ZC2HC1A: variants seen among roughly 807,000 people sequenced by gnomAD.
ZC2HC1A encodes the protein zinc finger C2HC-type containing 1A, also known as zinc finger C2HC domain-containing protein 1A.
In ZC2HC1A, 28 loss-of-function variants were observed where a neutral mutation model predicts 40.7. The ratio of observed to expected loss-of-function variants is 0.69; its 90% confidence interval spans 0.51 to 0.94. ZC2HC1A has a LOEUF of 0.94. Ranked by LOEUF, ZC2HC1A falls within the 40% of genes least tolerant of loss-of-function variation. The pLI is 0.00. For missense variants in ZC2HC1A, 389 were observed against 386.3 expected, an observed-to-expected ratio of 1.01 and a Z score of -0.06; for synonymous variants, 129 against 129.2, an observed-to-expected ratio of 1.00 and a Z score of 0.01.
chr8:78,677,604 G>A (rs1423463269), intron 2 of ZC2HC1A, among the ~76,000 whole-genome samples: 2 of 151,154 alleles, frequency 1.3e-5, no homozygotes, highest in African/African-American at 4.9e-5. Flanking sequence ...TGTATTCTTT[G>A]TATTTTCTTT....
chr8:78,717,250 T>C (rs1434407716), intron 8 of ZC2HC1A, 78 bp from the exon 9 acceptor site: 10 of 1,316,862 alleles, frequency 7.6e-6, no homozygotes, highest in Non-Finnish European at 1.0e-5. Context: ...GTTATATTTA[T>C]GTCCTGTTTC....
chr8:78,701,199 A>G (rs1810591302), intron 7 of ZC2HC1A, among the ~76,000 whole-genome samples: 1 of 151,956 alleles, frequency 6.6e-6, no homozygotes, highest in Non-Finnish European at 1.5e-5. Context: ...CCTTGTATAG[A>G]TCTTTCACCT....
At chr8:78,700,357 G>GT (rs899476805) in intron 7 of ZC2HC1A, among the ~76,000 whole-genome samples, 41 of 151,492 alleles carry the variant, frequency 2.7e-4, no homozygotes, top group African/African-American at 9.7e-4. Context: ...TTGTAAGTTT[G>GT]TTTTTTTCTT....
chr8:78,672,594 A>G (rs898226963), intron 1 of ZC2HC1A, among the ~76,000 whole-genome samples: 8 of 152,194 alleles, frequency 5.3e-5, no homozygotes, highest in African/African-American at 1.9e-4. Context: ...TTTAAGGTTT[A>G]GTAATTTACC....
chr8:78,695,977 A>G (rs1346077629), intron 5 of ZC2HC1A, among the ~76,000 whole-genome samples: 1 of 152,132 alleles, frequency 6.6e-6, no homozygotes, highest in African/African-American at 2.4e-5. Context: ...TAAATTTTAT[A>G]TTGATTATTG....
At position 78,715,331 on chromosome 8, in the gene ZC2HC1A, A is replaced by G. The variant is rs2130615023; in HGVS notation, c.812+3A>G. On this transcript the variant is annotated splice_donor_region_variant and intron_variant, in intron 8 of 8. Transcript: ENST00000263849. ...TATACTGAGAGCTACATAGCCAGGT[A>G]TGTTTAGCTCTGCTCTCCCAATAAC... 6.2e-7 allele frequency: 1 copy of G among 1,609,182 alleles called. No individual in the cohort carries two copies. Among genetic ancestry groups the G allele is most frequent in the East Asian group, 2.2e-5 (1 of 44,708 alleles).
chr8:78,696,046 T>A (rs1239694557), intron 5 of ZC2HC1A, among the ~76,000 whole-genome samples: 1 of 152,114 alleles, frequency 6.6e-6, no homozygotes. Flanking sequence ...TTTCTTTCTT[T>A]TTTTTTTGAG....
chr8:78,707,720 C>T (rs1432019638), intron 7 of ZC2HC1A, among the ~76,000 whole-genome samples: 2 of 152,070 alleles, frequency 1.3e-5, no homozygotes, highest in African/African-American at 4.8e-5. Context: ...GGAAGCTTTC[C>T]AACTACTGGA....
At chr8:78,712,883 C>G (rs1810993814) in intron 7 of ZC2HC1A, among the ~76,000 whole-genome samples, 1 of 152,140 alleles carries the variant, frequency 6.6e-6, no homozygotes, top group South Asian at 2.1e-4. Flanking sequence ...CTACAACAGT[C>G]TGCTCAGTAT....
chr8:78,691,818 A>G (rs1810221839), intron 5 of ZC2HC1A, among the ~76,000 whole-genome samples: 1 of 151,882 alleles, frequency 6.6e-6, no homozygotes, highest in African/African-American at 2.4e-5. Flanking sequence ...ATTGTTTCAT[A>G]TATGTAACTC....
intron 7 of ZC2HC1A, among the ~76,000 whole-genome samples, chr8:78,710,482 A>G (rs1176368889): frequency 2.6e-5 from 4 of 151,982 alleles, no homozygotes; most frequent in African/African-American, 9.7e-5. Flanking sequence ...TCTTGAACTG[A>G]ACTTTGTTGT....
intron 5 of ZC2HC1A, among the ~76,000 whole-genome samples, chr8:78,692,469 T>C (rs1006645579): frequency 2.6e-5 from 4 of 152,244 alleles, no homozygotes; most frequent in African/African-American, 9.6e-5. Flanking sequence ...CTTTCTTTGC[T>C]GGTAATGTTT....
intron 2 of ZC2HC1A, 27 bp from the exon 3 acceptor site, chr8:78,678,536 A>T (rs1809659384): frequency 6.4e-7 from 1 of 1,558,114 alleles, no homozygotes. Flanking sequence ...AAAGAAAATG[A>T]TAGGCTGCAT....
At chr8:78,673,649 C>T (rs150027146) in intron 1 of ZC2HC1A, among the ~76,000 whole-genome samples, 2 of 152,276 alleles carry the variant, frequency 1.3e-5, no homozygotes, top group East Asian at 1.9e-4. Flanking sequence ...AGAATGAAAG[C>T]GTTGTCCAAA....
intron 7 of ZC2HC1A, chr8:78,712,071 T>A: frequency 7.8e-7 from 1 of 1,289,598 alleles, no homozygotes; most frequent in Non-Finnish European, 1.0e-6. Flanking sequence ...AATCAGACAG[T>A]GCCATCAAAA....
chr8:78,681,901 C>CTTTTTTTTTTTTTTT (rs56181953), intron 3 of ZC2HC1A, among the ~76,000 whole-genome samples: 1 of 126,470 alleles, frequency 7.9e-6, no homozygotes. Context: ...CTTTTTCTTT[C>CTTTTTTTTTTTTTTT]TTTTTTTTTT....
rs1215471301 is a variant in ZC2HC1A at position 78,686,497 on chromosome 8, A to C, written c.241A>C (p.Arg81=). ...PEPPKKPSNW[R]RKHEEFIATI... The stretch of plus-strand genomic sequence containing the variant: ...ACCACCAAAGAAACCATCTAATTGG[A>C]GAAGGAAACATGAAGAATTCATTGC... Residue 81 remains arginine, a synonymous_variant, in exon 4 of 9, where the codon AGA becomes CGA. Coordinates refer to ENST00000263849, the MANE Select transcript of ZC2HC1A (RefSeq NM_016010.3). 5.2e-6 allele frequency: 8 copies of C among 1,537,778 alleles called. No individual in the cohort carries two copies. The highest frequency in any genetic ancestry group is 7.0e-6 in the Non-Finnish European group (8 of 1,141,990).
chr8:78,696,975 T>C (rs1240377422), intron 5 of ZC2HC1A, among the ~76,000 whole-genome samples: 2 of 152,208 alleles, frequency 1.3e-5, no homozygotes, highest in Non-Finnish European at 2.9e-5. Flanking sequence ...CTTTTTTTCT[T>C]TTTCCTGTGA....
At chr8:78,707,793 T>C (rs1810822392) in intron 7 of ZC2HC1A, among the ~76,000 whole-genome samples, 1 of 152,114 alleles carries the variant, frequency 6.6e-6, no homozygotes, top group Non-Finnish European at 1.5e-5. Flanking sequence ...ATTGTGTTAC[T>C]GTATTAAATT....
Sources: gnomAD v4.1 joint callset for allele counts (sites outside exome capture counted in the v4.1 genomes callset) on GRCh38, gnomAD v4.1.1 for gene constraint, MANE v1.5 for transcripts, NCBI Gene and HGNC (gene_info 2026-07-23, HGNC 2026-07-21) for gene names.